MEGF11: variants seen among roughly 807,000 people sequenced by gnomAD.
The protein encoded by MEGF11 is multiple EGF like domains 11.
Under a neutral mutation model 146.6 loss-of-function variants are expected in MEGF11, and 126 were observed. The observed-to-expected ratio is 0.86, with a 90% CI of 0.74 to 1.00. The LOEUF is 1.00. Ranked by LOEUF, MEGF11 falls within the 50% of genes least tolerant of loss-of-function variation. The probability of loss-of-function intolerance (pLI) is 0.00; values close to 1 mark genes in which losing one functional copy is unlikely to be tolerated. For synonymous variants in MEGF11, 532 were observed against 583.4 expected (o/e 0.91, Z 1.27); for missense variants, 1,509 against 1,521.2 (o/e 0.99, Z 0.13).
At chr15:66,191,150 A>G (rs2090862109) in intron 1 of MEGF11, among the ~76,000 whole-genome samples, 1 of 152,030 alleles carries the variant, frequency 6.6e-6, no homozygotes, top group African/African-American at 2.4e-5. Flanking sequence ...CACTATTTTA[A>G]CTATATCCCT....
At chr15:66,028,665 T>C (rs2083417558) in intron 5 of MEGF11, among the ~76,000 whole-genome samples, 1 of 152,194 alleles carries the variant, frequency 6.6e-6, no homozygotes, top group African/African-American at 2.4e-5. Context: ...AATAGGGGAA[T>C]TGTTAAGTAA....
At chr15:66,215,397 T>G (rs1203549986) in intron 1 of MEGF11, among the ~76,000 whole-genome samples, 1 of 152,198 alleles carries the variant, frequency 6.6e-6, no homozygotes, top group South Asian at 2.1e-4. Context: ...ACCTCCACTT[T>G]AATTTACACA....
At chr15:65,934,753 T>G (rs1451403492) in intron 10 of MEGF11, among the ~76,000 whole-genome samples, 1 of 152,104 alleles carries the variant, frequency 6.6e-6, no homozygotes, top group African/African-American at 2.4e-5. Flanking sequence ...TAACGAAGTC[T>G]CCATAAAAAC....
intron 1 of MEGF11, among the ~76,000 whole-genome samples, chr15:66,234,452 A>G (rs2092044941): frequency 6.6e-6 from 1 of 152,250 alleles, no homozygotes; most frequent in African/African-American, 2.4e-5. Context: ...CCAAGCCCAC[A>G]GCATGTATCT....
chr15:65,934,012 C>T (rs1191797111), intron 10 of MEGF11, among the ~76,000 whole-genome samples: 1 of 152,286 alleles, frequency 6.6e-6, no homozygotes, highest in Non-Finnish European at 1.5e-5. Flanking sequence ...ACCTTTTTAT[C>T]ACCTTCTCTG....
intron 5 of MEGF11, among the ~76,000 whole-genome samples, chr15:66,050,775 C>T (rs576242741): frequency 6.6e-6 from 1 of 152,340 alleles, no homozygotes; most frequent in Non-Finnish European, 1.5e-5. Flanking sequence ...CACACATCTT[C>T]CCAGCCAGGG....
At chr15:66,060,673 A>G (rs558291773) in intron 5 of MEGF11, among the ~76,000 whole-genome samples, 1 of 152,306 alleles carries the variant, frequency 6.6e-6, no homozygotes, top group East Asian at 1.9e-4. Context: ...GATGTTGGTT[A>G]ACCTGGTGTG....
At chr15:65,962,339 C>T (rs899186719) in intron 9 of MEGF11, among the ~76,000 whole-genome samples, 1 of 152,164 alleles carries the variant, frequency 6.6e-6, no homozygotes, top group Non-Finnish European at 1.5e-5. Context: ...TCCTGCCCCA[C>T]CCCACCCTGG....
At chr15:66,118,712 T>C (rs1367626376) in intron 4 of MEGF11, among the ~76,000 whole-genome samples, 1 of 152,156 alleles carries the variant, frequency 6.6e-6, no homozygotes. Flanking sequence ...TCTCCTTCCA[T>C]CCAGCAAAGC....
chr15:65,965,571 C>CCTTTCTTT lies in MEGF11; in HGVS notation c.900-459_900-452dup, dbSNP rs1185795809. On this transcript the variant is annotated intron_variant, in intron 8 of 25. Transcript: ENST00000395614. Reference sequence around the variant, plus strand: ...GGGGCTGGAGGGAGCCAGTGAGGTCCCTTTCTTTCTTTCTTTCTTTCTTTC... The same window carrying CCTTTCTTT: ...GGGGCTGGAGGGAGCCAGTGAGGTCCCTTTCTTTCTTTCTTTCTTTCTTTCTTTCTTTC... Among the ~76,000 whole-genome samples the CCTTTCTTT allele has an allele frequency of 2.7e-3, 180 of 66,578 alleles. 7 individuals carry two copies. The highest frequency in any genetic ancestry group is 4.2e-3 in the African/African-American group (74 of 17,760). The allele number at this position is 66,578 out of a possible 152,430, so 43.7% of individuals were successfully genotyped here.
At chr15:66,089,549 G>A in intron 5 of MEGF11, among the ~76,000 whole-genome samples, 1 of 152,204 alleles carries the variant, frequency 6.6e-6, no homozygotes, top group Admixed American at 6.5e-5. Context: ...GGGATGGGAG[G>A]CAGAGAAATG....
In MEGF11 at chr15:65,985,038, G is replaced by A. The variant is rs553007659; in HGVS notation, c.395-2550C>T. On this transcript the variant is annotated intron_variant, in intron 5 of 25. Coordinates refer to ENST00000395614, the MANE Select transcript of MEGF11 (RefSeq NM_001385028.1). Reference sequence around the variant, plus strand: ...CCTGCCTCAGTCTCCCAAAGTGCTGGGATTACAAGTGTGAGCCACCACGCC... The same window carrying A: ...CCTGCCTCAGTCTCCCAAAGTGCTGAGATTACAAGTGTGAGCCACCACGCC... 3.3e-5 allele frequency among the ~76,000 whole-genome samples: 5 copies of A among 152,208 alleles called. No homozygotes were observed. In the East Asian group the frequency reaches 9.6e-4, roughly 29 times the overall value.
At chr15:66,034,702 G>A (rs1165981368) in intron 5 of MEGF11, among the ~76,000 whole-genome samples, 1 of 152,192 alleles carries the variant, frequency 6.6e-6, no homozygotes, top group Non-Finnish European at 1.5e-5. Context: ...ATACAGGCGT[G>A]AGCCACTGTG....
chr15:65,896,169 C>T lies in MEGF11; in HGVS notation c.*1765G>A, dbSNP rs1397727176. 2.0e-5 allele frequency: 3 copies of T among 152,522 alleles called. No homozygotes were observed. The highest frequency in any genetic ancestry group is 7.2e-5 in the African/African-American group (3 of 41,390). 9.4% of individuals were successfully genotyped at this position (152,522 alleles called of 1,614,324 possible). On this transcript the variant is annotated 3_prime_UTR_variant, in exon 26 of 26. Coordinates refer to ENST00000395614, the MANE Select transcript of MEGF11 (RefSeq NM_001385028.1). ...ATGTATGAGAAATATTTACTTGGGTCTCCAAAGTAATTTTCTAATATTTAT... is the reference window on the plus strand; with the variant it reads ...ATGTATGAGAAATATTTACTTGGGTTTCCAAAGTAATTTTCTAATATTTAT...
At chr15:66,232,448 C>A (rs1390503844) in intron 1 of MEGF11, among the ~76,000 whole-genome samples, 1 of 152,146 alleles carries the variant, frequency 6.6e-6, no homozygotes, top group Non-Finnish European at 1.5e-5. Flanking sequence ...GAGCTCTGGA[C>A]AGCCTTGTGC....
At chr15:66,082,425 TAAAAAAAAAAAAAAAA>T (rs796328490) in intron 5 of MEGF11, among the ~76,000 whole-genome samples, 37 of 15,674 alleles carry the variant, frequency 2.4e-3, no homozygotes, top group African/African-American at 7.9e-3. Context: ...CCATCTCTAC[TAAAAAAAAAAAAAAAA>T]AAAAAAAAAA....
At chr15:66,068,750 G>A (rs150428488) in intron 5 of MEGF11, among the ~76,000 whole-genome samples, 51 of 152,316 alleles carry the variant, frequency 3.3e-4, no homozygotes, top group African/African-American at 1.2e-3. Context: ...ACTGAATCAG[G>A]GGAGGTCATA....
chr15:65,956,207 C>T (rs2080630892), intron 10 of MEGF11, among the ~76,000 whole-genome samples: 1 of 152,098 alleles, frequency 6.6e-6, no homozygotes, highest in Non-Finnish European at 1.5e-5. Flanking sequence ...AAGTTGAGAC[C>T]CATGGCTACA....
chr15:65,942,347 G>C (rs1191074843), intron 10 of MEGF11, among the ~76,000 whole-genome samples: 1 of 152,172 alleles, frequency 6.6e-6, no homozygotes, highest in Non-Finnish European at 1.5e-5. Flanking sequence ...TGGCTTATGG[G>C]GGCTTATGGA....
Sources: allele counts gnomAD v4.1 joint callset (sites outside exome capture counted in the v4.1 genomes callset), GRCh38; gene constraint gnomAD v4.1.1; transcripts MANE v1.5; gene names NCBI Gene and HGNC (gene_info 2026-07-23, HGNC 2026-07-21).